EHMT1: variants seen among roughly 807,000 people sequenced by gnomAD.
EHMT1 encodes histone-lysine N-methyltransferase EHMT1.
In EHMT1, 15 loss-of-function variants were observed where a neutral mutation model predicts 147.2. That is an observed-to-expected ratio of 0.10 (90% CI 0.07 to 0.16). The LOEUF is 0.16. Ranked by LOEUF, EHMT1 falls within the 10% of genes least tolerant of loss-of-function variation. EHMT1 has a pLI of 1.00. For synonymous variants in EHMT1, 795 were observed against 709.6 expected (o/e 1.12, Z -1.91); for missense variants, 1,587 against 1,772.4 (o/e 0.90, Z 1.88).
chr9:137,802,591 C>T (rs929884862), intron 18 of EHMT1: 4 of 399,110 alleles, frequency 1.0e-5, no homozygotes, highest in Admixed American at 4.4e-5. Flanking sequence ...TTGAGAACGG[C>T]GTGGGCACGG....
intron 6 of EHMT1, among the ~76,000 whole-genome samples, chr9:137,752,004 C>T (rs779306680): frequency 5.3e-5 from 8 of 152,196 alleles, no homozygotes; most frequent in Non-Finnish European, 1.0e-4. Context: ...AGTACCTGAA[C>T]CCTCACTGAT....
intron 12 of EHMT1, among the ~76,000 whole-genome samples, chr9:137,777,680 G>A (rs773666320): frequency 2.6e-5 from 4 of 152,158 alleles, no homozygotes; most frequent in African/African-American, 4.8e-5. Flanking sequence ...ATTTGAACAC[G>A]CTGCCCAGAA....
At chr9:137,625,974 G>A (rs1589026498) in intron 1 of EHMT1, among the ~76,000 whole-genome samples, 1 of 150,686 alleles carries the variant, frequency 6.6e-6, no homozygotes, top group South Asian at 2.1e-4. Context: ...TCCTGCCTCA[G>A]CCTCTCGAGT....
intron 18 of EHMT1, chr9:137,802,361 C>A (rs1468577929): frequency 2.5e-6 from 1 of 398,514 alleles, no homozygotes; most frequent in Non-Finnish European, 4.4e-6. Flanking sequence ...TTCCAGAGGC[C>A]AGAAATGGGA....
chr9:137,788,201 G>T, intron 15 of EHMT1: 1 of 604,340 alleles, frequency 1.7e-6, no homozygotes, highest in Non-Finnish European at 2.8e-6. Context: ...GGGCTGCTCT[G>T]TGGCACCAGC....
At chr9:137,805,027 TC>T (rs1564795685) in intron 18 of EHMT1, among the ~76,000 whole-genome samples, 1 of 152,188 alleles carries the variant, frequency 6.6e-6, no homozygotes. Context: ...GAGTCAGTCA[TC>T]TGCATGTCTG....
chr9:137,770,558 G>T (rs1950526564), intron 10 of EHMT1, among the ~76,000 whole-genome samples: 1 of 152,186 alleles, frequency 6.6e-6, no homozygotes, highest in African/African-American at 2.4e-5. Flanking sequence ...GGGCTGCCCT[G>T]CTCGTTGTTT....
rs527754873 is a variant in EHMT1 at position 137,778,038 on chromosome 9, C to A, written c.2175C>A (p.Ile725=). 1 of 1,613,874 alleles carries A rather than the reference C, an allele frequency of 6.2e-7. No individual in the cohort carries two copies. Among genetic ancestry groups the A allele is most frequent in the African/African-American group, 1.3e-5 (1 of 75,016 alleles). ...AGGAAACCTTGGAGAGCGCTCTCAT[C>A]GCCCTCGACTCGGAAAAGTAAGACC... ...PGKETLESAL[I]ALDSEKPKKL... Residue 725 remains isoleucine, a synonymous_variant, in exon 13 of 27, where the codon ATC becomes ATA. Transcript: ENST00000460843.
chr9:137,754,048 C>T, intron 7 of EHMT1, 123 bp from the exon 8 acceptor site: 1 of 1,516,374 alleles, frequency 6.6e-7, no homozygotes. Context: ...GTTAAGTTCA[C>T]CGTTTAATTG....
In EHMT1 at chr9:137,675,904, C is replaced by G. The variant is rs1221770794; in HGVS notation, c.22-35063C>G. On this transcript the variant is annotated intron_variant, in intron 1 of 26. Coordinates refer to ENST00000460843, the MANE Select transcript of EHMT1 (RefSeq NM_024757.5). ...GTTCACGCCATTCTCCCGCCTCAGC[C>G]TCCCAAGTAGCTGGGACTACAGGCG... Among the ~76,000 whole-genome samples the G allele has an allele frequency of 4.7e-5, 7 of 149,218 alleles. No individual in the cohort carries two copies. In the East Asian group the frequency reaches 1.4e-3, roughly 29 times the overall value.
At chr9:137,663,445 G>T (rs1382586170) in intron 1 of EHMT1, among the ~76,000 whole-genome samples, 1 of 152,170 alleles carries the variant, frequency 6.6e-6, no homozygotes, top group Non-Finnish European at 1.5e-5. Context: ...GTGTGCTGGA[G>T]TGGACTGCTC....
intron 3 of EHMT1, among the ~76,000 whole-genome samples, chr9:137,722,045 T>C (rs1485533782): frequency 6.6e-6 from 1 of 152,104 alleles, no homozygotes; most frequent in Non-Finnish European, 1.5e-5. Flanking sequence ...AATGTTTGTA[T>C]AAAGTCTGAG....
At chr9:137,744,129 G>A in intron 6 of EHMT1, 39 bp downstream of exon 6, 1 of 1,611,634 alleles carries the variant, frequency 6.2e-7, no homozygotes, top group Non-Finnish European at 8.5e-7. Flanking sequence ...CAAGGAAAGA[G>A]CATCACAAAG....
At chr9:137,797,324 C>T (rs897981551) in intron 16 of EHMT1, among the ~76,000 whole-genome samples, 13 of 152,170 alleles carry the variant, frequency 8.5e-5, no homozygotes, top group Non-Finnish European at 5.9e-5. Flanking sequence ...GGCTGACTCT[C>T]AATCCCCTCA....
At chr9:137,804,151 C>T (rs1471083204) in intron 18 of EHMT1, among the ~76,000 whole-genome samples, 1 of 152,122 alleles carries the variant, frequency 6.6e-6, no homozygotes, top group African/African-American at 2.4e-5. Context: ...GCATGGGAGA[C>T]CCACCCCCAT....
intron 2 of EHMT1, among the ~76,000 whole-genome samples, chr9:137,713,831 T>TC (rs1944961790): frequency 6.6e-6 from 1 of 151,732 alleles, no homozygotes; most frequent in Non-Finnish European, 1.5e-5. Context: ...GCACCTATAA[T>TC]CCCAGCTACT....
intron 16 of EHMT1, among the ~76,000 whole-genome samples, chr9:137,792,949 C>T (rs916723832): frequency 2.0e-5 from 3 of 152,308 alleles, no homozygotes; most frequent in African/African-American, 4.8e-5. Context: ...CACTCACGTT[C>T]GTAGGGAACC....
chr9:137,671,634 C>G (rs1274123087), intron 1 of EHMT1, among the ~76,000 whole-genome samples: 1 of 149,878 alleles, frequency 6.7e-6, no homozygotes, highest in African/African-American at 2.4e-5. Context: ...AAGCTATTCT[C>G]CCACCACAGC....
chr9:137,633,167 C>T (rs575513893), intron 1 of EHMT1, among the ~76,000 whole-genome samples: 6 of 152,248 alleles, frequency 3.9e-5, no homozygotes, highest in African/African-American at 1.4e-4. Flanking sequence ...ACAGGGAAGG[C>T]ATGCTCAGGT....
Sources: gnomAD v4.1 joint callset for allele counts (sites outside exome capture counted in the v4.1 genomes callset) on GRCh38, gnomAD v4.1.1 for gene constraint, MANE v1.5 for transcripts, NCBI Gene and HGNC (gene_info 2026-07-23, HGNC 2026-07-21) for gene names.